Variants in CDK14 observed in about 807,000 individuals in gnomAD.
The protein encoded by CDK14 is cyclin-dependent kinase 14.
Under a neutral mutation model 60.7 loss-of-function variants are expected in CDK14, and 34 were observed. That is an observed-to-expected ratio of 0.56 (90% confidence interval 0.43 to 0.75). The LOEUF (loss-of-function observed/expected upper bound fraction) is 0.75. Ranked by LOEUF, CDK14 falls within the 30% of genes least tolerant of loss-of-function variation. The pLI, the probability that CDK14 is intolerant of heterozygous loss-of-function variation, is 0.00. For synonymous variants in CDK14, 197 were observed against 203.7 expected, an observed-to-expected ratio of 0.97 and a Z score of 0.28; for missense variants, 482 against 564.1, an observed-to-expected ratio of 0.85 and a Z score of 1.47.
At chr7:90,914,804 T>C (rs1443324849) in intron 7 of CDK14, among the ~76,000 whole-genome samples, 1 of 152,182 alleles carries the variant, frequency 6.6e-6, no homozygotes, top group Non-Finnish European at 1.5e-5. Flanking sequence ...GCCCTTAGCT[T>C]CTCGAGAATT....
At chr7:90,669,491 T>G (rs936343980) in intron 2 of CDK14, among the ~76,000 whole-genome samples, 4 of 152,196 alleles carry the variant, frequency 2.6e-5, no homozygotes, top group Non-Finnish European at 5.9e-5. Flanking sequence ...ATGAGAGAGA[T>G]ACCTATAATT....
chr7:90,645,175 A>T (rs953027459), intron 2 of CDK14, among the ~76,000 whole-genome samples: 1 of 152,116 alleles, frequency 6.6e-6, no homozygotes, highest in African/African-American at 2.4e-5. Flanking sequence ...ATGTATATAT[A>T]TTTTACACAT....
intron 9 of CDK14, among the ~76,000 whole-genome samples, chr7:90,968,631 G>T (rs1794826258): frequency 6.6e-6 from 1 of 152,026 alleles, no homozygotes; most frequent in African/African-American, 2.4e-5. Flanking sequence ...TTTATTGTTA[G>T]CTTTTACCAT....
rs143027316 is a variant in CDK14, at chr7:90,599,650, C to G, written c.91+2932C>G. On this transcript the variant is annotated intron_variant, in intron 1 of 14. Transcript: ENST00000380050. ...CATCCTCCTTTCTTCATTGGTACTT[C>G]ATGAGGAGATCGAAGAGTGAATGGT... is the stretch of plus-strand genomic sequence containing the variant. 9.2e-4 allele frequency among the ~76,000 whole-genome samples: 140 copies of G among 152,312 alleles called. 1 individual carries two copies. Among genetic ancestry groups the G allele is most frequent in the African/African-American group, 3.1e-3 (128 of 41,564 alleles).
At chr7:90,692,747 A>G (rs1801577458) in intron 2 of CDK14, 1 of 742,806 alleles carries the variant, frequency 1.3e-6, no homozygotes, top group Non-Finnish European at 1.6e-6. Context: ...AAAGTAAATG[A>G]CACATATTGT....
rs76770002 is a variant in CDK14 at position 90,832,561 on chromosome 7, G to A, written c.545-30614G>A. 7.4e-3 allele frequency among the ~76,000 whole-genome samples: 1,122 copies of A among 152,108 alleles called. 4 individuals are homozygous for A. Among genetic ancestry groups the A allele is most frequent in the Non-Finnish European group, 0.012 (797 of 67,988 alleles). ...CTACTTGTTAAAAGAAGATAGGTAT[G>A]TTTAAAAGGAAAATACCTGAAAATA... On this transcript the variant is annotated intron_variant, in intron 5 of 14. Coordinates refer to ENST00000380050, the MANE Select transcript of CDK14 (RefSeq NM_001287135.2).
At chr7:91,134,421 AC>A (rs556184936) in intron 14 of CDK14, among the ~76,000 whole-genome samples, 285 of 152,254 alleles carry the variant, frequency 1.9e-3, no homozygotes, top group African/African-American at 6.5e-3. Context: ...CCAGACCTGA[AC>A]TATTTGCAAA....
Position 91,045,945 on chromosome 7 carries a change from C to T in CDK14, c.1090C>T (p.Pro364Ser). ...CACATGGCCTGGAGTTCATTCTTTA[C>T]CACATTTTAAGCCAGGTATGTTTCA... ...EDTWPGVHSL[P>S]HFKPERFTLY... is the part of the protein sequence containing the mutation. Residue 364 changes from proline (P) to serine (S), a missense_variant, in exon 11 of 15, where the codon CCA becomes TCA. Coordinates refer to ENST00000380050, the MANE Select transcript of CDK14 (RefSeq NM_001287135.2). 6.2e-7 allele frequency: 1 copy of T among 1,609,040 alleles called. No homozygotes were observed. The highest frequency in any genetic ancestry group is 1.1e-5 in the South Asian group (1 of 90,966).
At chr7:90,614,203 C>T (rs1401642708) in intron 2 of CDK14, among the ~76,000 whole-genome samples, 1 of 152,068 alleles carries the variant, frequency 6.6e-6, no homozygotes, top group African/African-American at 2.4e-5. Flanking sequence ...CAGGGTTTCA[C>T]TGTGTTGGTC....
At chr7:91,174,567 T>G (rs921573366) in intron 14 of CDK14, among the ~76,000 whole-genome samples, 1 of 146,130 alleles carries the variant, frequency 6.8e-6, no homozygotes, top group Non-Finnish European at 1.5e-5. Context: ...GAAAAAAATT[T>G]AGAAGAATGT....
At chr7:90,678,973 AGG>A (rs1226752545) in intron 2 of CDK14, among the ~76,000 whole-genome samples, 1 of 152,208 alleles carries the variant, frequency 6.6e-6, no homozygotes, top group African/African-American at 2.4e-5. Flanking sequence ...ATTTTGAGAC[AGG>A]GTCTCACTCT....
At chr7:90,736,516 AG>A (rs1375703484) in intron 3 of CDK14, among the ~76,000 whole-genome samples, 1 of 151,914 alleles carries the variant, frequency 6.6e-6, no homozygotes, top group Non-Finnish European at 1.5e-5. Context: ...TGGGAAAACA[AG>A]GGAGCCTTAT....
intron 6 of CDK14, among the ~76,000 whole-genome samples, chr7:90,881,500 A>G (rs1363589357): frequency 6.6e-6 from 1 of 152,164 alleles, no homozygotes; most frequent in African/African-American, 2.4e-5. Context: ...GGAAATAAGC[A>G]GGAAAACACA....
intron 14 of CDK14, among the ~76,000 whole-genome samples, chr7:91,142,349 CCTT>C (rs1800494655): frequency 6.6e-6 from 1 of 152,204 alleles, no homozygotes; most frequent in Non-Finnish European, 1.5e-5. Context: ...CCCTGCCACT[CCTT>C]CTTGTCCCCC....
At chr7:90,886,391 A>G (rs1562813596) in intron 6 of CDK14, among the ~76,000 whole-genome samples, 4 of 152,158 alleles carry the variant, frequency 2.6e-5, no homozygotes, top group Admixed American at 1.3e-4. Flanking sequence ...CTCAAGTATA[A>G]TTTTCTCAAG....
intron 2 of CDK14, among the ~76,000 whole-genome samples, chr7:90,691,288 A>C (rs1296116773): frequency 7.1e-6 from 1 of 140,272 alleles, no homozygotes; most frequent in Non-Finnish European, 1.5e-5. Flanking sequence ...TGTTTGTATG[A>C]GGGTGGTAAG....
chr7:91,175,377 A>G (rs933542770), intron 14 of CDK14, among the ~76,000 whole-genome samples: 3 of 152,168 alleles, frequency 2.0e-5, no homozygotes, highest in African/African-American at 4.8e-5. Flanking sequence ...AAGACCATCG[A>G]GACTAGGAAG....
chr7:90,982,652 A>G (rs1562855771), intron 9 of CDK14, among the ~76,000 whole-genome samples: 1 of 152,214 alleles, frequency 6.6e-6, no homozygotes, highest in African/African-American at 2.4e-5. Context: ...ACTCTTATAC[A>G]TCAGGCTAAG....
chr7:90,903,779 A>G (rs1171763761), intron 7 of CDK14, among the ~76,000 whole-genome samples: 1 of 152,214 alleles, frequency 6.6e-6, no homozygotes, highest in Non-Finnish European at 1.5e-5. Context: ...AATACCCATC[A>G]TTATACATTG....
Sources: allele counts gnomAD v4.1 joint callset (sites outside exome capture counted in the v4.1 genomes callset), GRCh38; gene constraint gnomAD v4.1.1; transcripts MANE v1.5; gene names NCBI Gene and HGNC (gene_info 2026-07-23, HGNC 2026-07-21).